Variants in RYR2 observed in about 807,000 individuals in gnomAD.
RYR2 encodes cardiac muscle ryanodine receptor-calcium release channel.
RYR2 carries 227 observed loss-of-function variants against 601.1 expected under a neutral mutation model. The ratio of observed to expected loss-of-function variants is 0.38; its 90% CI spans 0.34 to 0.42. RYR2 has a LOEUF of 0.42. RYR2 is among the 10% of genes least tolerant of loss of function. The pLI, the probability that RYR2 is intolerant of heterozygous loss-of-function variation, is 1.00. For synonymous variants in RYR2, 2,223 were observed against 2,175.1 expected (o/e 1.02, Z -0.61); for missense variants, 4,646 against 6,156.5 (o/e 0.75, Z 8.21).
At chr1:237,226,550 G>A (rs763586547) in intron 1 of RYR2, among the ~76,000 whole-genome samples, 3 of 152,154 alleles carry the variant, frequency 2.0e-5, no homozygotes, top group Non-Finnish European at 2.9e-5. Flanking sequence ...AGACACTTCC[G>A]AGAGATAGCT....
chr1:237,498,527 AT>A (rs1204280333), intron 20 of RYR2, among the ~76,000 whole-genome samples: 2 of 152,164 alleles, frequency 1.3e-5, no homozygotes, highest in Non-Finnish European at 2.9e-5. Flanking sequence ...ACTCAAATGA[AT>A]AAATGAAGCA....
rs752268870 is a variant in RYR2, at chr1:237,666,561, G to A, written c.8486G>A (p.Ser2829Asn). 1.9e-6 allele frequency: 3 copies of A among 1,612,518 alleles called. No homozygotes were observed. The highest frequency in any genetic ancestry group is 1.3e-5 in the African/African-American group (1 of 74,860). The stretch of plus-strand genomic sequence containing the variant: ...TACAGTCCCCGGGCCATTGACATGA[G>A]CAATGTTACACTATCTAGAGACCTG... The part of the protein sequence containing the change: ...HGYSPRAIDM[S>N]NVTLSRDLHA... The change falls in exon 57 of 105, where the codon AGC becomes AAC. Residue 2829 changes from serine (S) to asparagine (N), a missense_variant. This residue lies in a region of RYR2 where 1,497 missense variants were observed against 1,842.6 expected (regional missense o/e 0.81). Coordinates refer to ENST00000366574, the MANE Select transcript of RYR2 (RefSeq NM_001035.3).
intron 1 of RYR2, among the ~76,000 whole-genome samples, chr1:237,059,588 A>T (rs1290526320): frequency 2.6e-5 from 4 of 152,188 alleles, no homozygotes; most frequent in African/African-American, 9.7e-5. Flanking sequence ...TCTGTGCCAT[A>T]AACTGAAATA....
chr1:237,516,672 G>A (rs1301652495), intron 24 of RYR2, among the ~76,000 whole-genome samples: 1 of 152,082 alleles, frequency 6.6e-6, no homozygotes, highest in Admixed American at 6.5e-5. Flanking sequence ...ATAGCTTTAT[G>A]TCCCCTGTAT....
At chr1:237,290,794 AG>A (rs1692111267) in intron 2 of RYR2, among the ~76,000 whole-genome samples, 1 of 152,236 alleles carries the variant, frequency 6.6e-6, no homozygotes, top group African/African-American at 2.4e-5. Context: ...GCAATCAATA[AG>A]AAAGAAAGAA....
At chr1:237,425,618 A>G (rs1335608412) in intron 12 of RYR2, among the ~76,000 whole-genome samples, 1 of 151,868 alleles carries the variant, frequency 6.6e-6, no homozygotes, top group Non-Finnish European at 1.5e-5. Context: ...TGGGCGATAG[A>G]GCAAGACTCT....
At chr1:237,189,581 G>C (rs954073066) in intron 1 of RYR2, among the ~76,000 whole-genome samples, 10 of 152,202 alleles carry the variant, frequency 6.6e-5, no homozygotes, top group African/African-American at 2.4e-4. Context: ...GAAAAGGCCA[G>C]AGAGCTAGCA....
At chr1:237,200,300 G>A (rs568375755) in intron 1 of RYR2, among the ~76,000 whole-genome samples, 21 of 151,216 alleles carry the variant, frequency 1.4e-4, no homozygotes, top group Admixed American at 3.3e-4. Context: ...GTCTCACTCT[G>A]TTGCCCGGGT....
At chr1:237,217,833 G>A (rs1683362141) in intron 1 of RYR2, among the ~76,000 whole-genome samples, 2 of 152,164 alleles carry the variant, frequency 1.3e-5, no homozygotes, top group Non-Finnish European at 2.9e-5. Context: ...TTGTACTTAG[G>A]ATTTGTGATT....
Position 237,234,837 on chromosome 1 carries a change from AGTT to A in RYR2, c.49-35654_49-35652del, listed in dbSNP as rs1362527940. Among the ~76,000 whole-genome samples the A allele has an allele frequency of 4.6e-5, 7 of 151,948 alleles. No homozygotes were observed. The East Asian group carries it at 1.2e-3, about 25-fold the overall frequency. ...ATTTCAGTAAATGTAGGGGATTCAA[AGTT>A]GTTGTATGTGGCTTCTGTCATCAAG... On this transcript the variant is annotated intron_variant, in intron 1 of 104. Transcript: ENST00000366574.
At chr1:237,432,647 G>T (rs1447230451) in intron 12 of RYR2, among the ~76,000 whole-genome samples, 1 of 151,980 alleles carries the variant, frequency 6.6e-6, no homozygotes, top group Non-Finnish European at 1.5e-5. Flanking sequence ...TTACAAATTT[G>T]GAATTTAAAA....
intron 16 of RYR2, among the ~76,000 whole-genome samples, chr1:237,460,765 C>A (rs925774590): frequency 9.9e-5 from 15 of 152,094 alleles, no homozygotes; most frequent in African/African-American, 3.1e-4. Context: ...TAGCAAGTGG[C>A]ATCTATTGTT....
chr1:237,786,024 C>G lies in RYR2; in HGVS notation c.13316C>G (p.Pro4439Arg). Reference sequence around the variant, plus strand: ...GAAAAAGAAGAAACCAAATCTGAACCTGAAAAAGCCGAGTATGTATAGTTT... The same window carrying G: ...GAAAAAGAAGAAACCAAATCTGAACGTGAAAAAGCCGAGTATGTATAGTTT... ...KEEKEETKSE[P>R]EKAEGEDGEK... is the part of the protein sequence containing the mutation. The change falls in exon 91 of 105, where the codon CCT becomes CGT. Residue 4439 changes from proline (P) to arginine (R), a missense_variant. By Grantham distance (103) the Pro-to-Arg change is moderately radical. Around this residue, in one of 17 missense-constraint regions of RYR2, gnomAD observed 364 missense variants for 442.9 expected, o/e 0.82. Coordinates refer to ENST00000366574, the MANE Select transcript of RYR2 (RefSeq NM_001035.3). The G allele has an allele frequency of 1.9e-6, 3 of 1,584,522 alleles. No individual in the cohort carries two copies. The highest frequency in any genetic ancestry group is 2.6e-6 in the Non-Finnish European group (3 of 1,163,050).
chr1:237,399,165 G>A (rs548979855), intron 10 of RYR2, among the ~76,000 whole-genome samples: 4 of 151,856 alleles, frequency 2.6e-5, no homozygotes, highest in South Asian at 2.1e-4. Context: ...ACTTCACTCC[G>A]GCCTGGGCAA....
chr1:237,530,053 T>G (rs934712177), intron 24 of RYR2, among the ~76,000 whole-genome samples: 2 of 152,046 alleles, frequency 1.3e-5, no homozygotes, highest in African/African-American at 4.8e-5. Context: ...GGCTCACACC[T>G]GTAATCCCAG....
At chr1:237,289,736 T>C (rs1393807195) in intron 2 of RYR2, among the ~76,000 whole-genome samples, 1 of 152,226 alleles carries the variant, frequency 6.6e-6, no homozygotes, top group African/African-American at 2.4e-5. Flanking sequence ...AAAGGATACA[T>C]TTTTGTAAGC....
At chr1:237,609,941 C>A (rs1315060278) in intron 35 of RYR2, among the ~76,000 whole-genome samples, 1 of 151,890 alleles carries the variant, frequency 6.6e-6, no homozygotes, top group Non-Finnish European at 1.5e-5. Context: ...CTTGGTTTTT[C>A]CCCGCCTATT....
intron 48 of RYR2, among the ~76,000 whole-genome samples, chr1:237,644,740 C>T (rs1681946319): frequency 6.6e-6 from 1 of 151,626 alleles, no homozygotes; most frequent in Non-Finnish European, 1.5e-5. Flanking sequence ...TAGAACAAAA[C>T]ATAATTAGGG....
rs368390862 is a variant in RYR2, at chr1:237,087,862, G to A, written c.48+45293G>A. On this transcript the variant is annotated intron_variant, in intron 1 of 104. Transcript: ENST00000366574. The stretch of plus-strand genomic sequence containing the variant: ...TGTGATTTTCATCTCAGAAGTTCTC[G>A]CATTATTTGGAATAGAGAAAACATC... Among the ~76,000 whole-genome samples the A allele has an allele frequency of 1.6e-4, 25 of 152,180 alleles. No homozygotes were observed. The South Asian group carries it at 4.6e-3, about 28-fold the overall frequency.
Sources: allele counts gnomAD v4.1 joint callset (sites outside exome capture counted in the v4.1 genomes callset), GRCh38; gene constraint gnomAD v4.1.1; regional missense constraint gnomAD v4.1.1; transcripts MANE v1.5; gene names NCBI Gene and HGNC (gene_info 2026-07-23, HGNC 2026-07-21).